SEMA7A: variants seen among roughly 807,000 people sequenced by gnomAD.
SEMA7A encodes semaphorin 7A (JohnMiltonHagen blood group).
SEMA7A carries 21 observed loss-of-function variants against 67.5 expected under a neutral mutation model. The observed-to-expected ratio is 0.31, with a 90% confidence interval of 0.22 to 0.45. The LOEUF is 0.45. Ranked by LOEUF, SEMA7A falls within the 20% of genes least tolerant of loss-of-function variation. The pLI is 1.00. For synonymous variants in SEMA7A, 364 were observed against 368.5 expected, an observed-to-expected ratio of 0.99 and a Z score of 0.14; for missense variants, 774 against 908.6, an observed-to-expected ratio of 0.85 and a Z score of 1.90.
rs77054739 is a variant in SEMA7A at position 74,414,019 on chromosome 15, A to G, written c.1294+528T>C. Among the ~76,000 whole-genome samples, 1,789 of 152,272 alleles carry G rather than the reference A, an allele frequency of 0.012. 34 individuals carry two copies. Among genetic ancestry groups the G allele is most frequent in the African/African-American group, 0.041 (1,699 of 41,530 alleles). ...CCAGCAGGGCCTACTCCAGGGAAGA[A>G]GAGAAGCTGCCCCTGTCCTCTGTGA... On this transcript the variant is annotated intron_variant, in intron 10 of 13. Coordinates refer to ENST00000261918, the MANE Select transcript of SEMA7A (RefSeq NM_003612.5). The surrounding 1 kb of genome is among the most constrained non-coding windows in gnomAD (Gnocchi z 4.1).
intron 1 of SEMA7A, among the ~76,000 whole-genome samples, chr15:74,428,403 C>T (rs1028999905): frequency 2.0e-5 from 3 of 152,324 alleles, no homozygotes; most frequent in East Asian, 1.9e-4. Flanking sequence ...TGGGTGATCT[C>T]GGGCCAGTCC....
chr15:74,431,347 C>T (rs2061087033), intron 1 of SEMA7A, among the ~76,000 whole-genome samples: 1 of 152,248 alleles, frequency 6.6e-6, no homozygotes, highest in Non-Finnish European at 1.5e-5. Flanking sequence ...GCCAGACTTT[C>T]ATCAAGCTGC....
rs1596184174 is a variant in SEMA7A, at chr15:74,410,094, T to A, written c.*530A>T. 2.6e-5 allele frequency: 4 copies of A among 154,404 alleles called. No individual in the cohort carries two copies. In the South Asian group the frequency reaches 8.3e-4, roughly 32 times the overall value. The allele number at this position is 154,404 out of a possible 1,614,324, so 9.6% of individuals were successfully genotyped here. On this transcript the variant is annotated 3_prime_UTR_variant, in exon 14 of 14. Coordinates refer to ENST00000261918, the MANE Select transcript of SEMA7A (RefSeq NM_003612.5). The surrounding 1 kb of genome is among the most constrained non-coding windows in gnomAD (Gnocchi z 7.5). ...ATAAACATGCAAGGCGGCTGTCCTG[T>A]GGGACCCAGGACCAGAGAGGGAGCT...
intron 1 of SEMA7A, among the ~76,000 whole-genome samples, chr15:74,424,269 G>C (rs1374493715): frequency 6.6e-6 from 1 of 152,148 alleles, no homozygotes; most frequent in Non-Finnish European, 1.5e-5. Flanking sequence ...GTGCGAGTCA[G>C]GGTGGGTGCT....
At position 74,416,811 on chromosome 15, in the gene SEMA7A, A is replaced by G. The variant is rs528568691; in HGVS notation, c.662-97T>C. 2.2e-6 allele frequency: 3 copies of G among 1,345,124 alleles called. No homozygotes were observed. The African/African-American group carries it at 4.3e-5, about 19-fold the overall frequency. The allele number at this position is 1,345,124 out of a possible 1,614,324, so 83.3% of individuals were successfully genotyped here. A position where few individuals can be genotyped will look rare whatever the true frequency, so the allele number is the denominator to read the frequency against. On this transcript the variant is annotated intron_variant, in intron 6 of 13. Transcript: ENST00000261918. The stretch of plus-strand genomic sequence containing the variant: ...TCTCCTCCCTCCTTCGGGTCTGCAC[A>G]AACCATGGCAAATCAGATCTGGAAT...
intron 6 of SEMA7A, among the ~76,000 whole-genome samples, chr15:74,416,967 G>A (rs2060955020): frequency 1.3e-5 from 2 of 152,210 alleles, no homozygotes; most frequent in African/African-American, 2.4e-5. Context: ...TGGGGACTGG[G>A]GGAAGGTCCC....
chr15:74,418,200 A>G (rs2060969070), intron 3 of SEMA7A, 68 bp downstream of exon 3: 1 of 1,499,986 alleles, frequency 6.7e-7, no homozygotes, highest in Non-Finnish European at 9.3e-7. Flanking sequence ...TTCCTTCCTT[A>G]GACCCTCAGG....
chr15:74,415,194 A>G (rs1305149514), intron 8 of SEMA7A, among the ~76,000 whole-genome samples: 1 of 152,170 alleles, frequency 6.6e-6, no homozygotes, highest in East Asian at 1.9e-4. Context: ...CCAAGGCAGG[A>G]GGAACCCCAT....
intron 10 of SEMA7A, among the ~76,000 whole-genome samples, chr15:74,413,607 G>A (rs2060920441): frequency 6.6e-6 from 1 of 152,206 alleles, no homozygotes; most frequent in South Asian, 2.1e-4. Context: ...AAGCAAGGAT[G>A]GGGGCCCAAG....
chr15:74,416,229 T>G (rs2060946986), intron 7 of SEMA7A, among the ~76,000 whole-genome samples: 1 of 151,292 alleles, frequency 6.6e-6, no homozygotes, highest in African/African-American at 2.4e-5. Flanking sequence ...CAGGTGAGAG[T>G]GCCAGGTCCC....
In SEMA7A at chr15:74,417,899, C is replaced by T. The variant is rs774736648; in HGVS notation, c.443G>A (p.Arg148Gln). ...EGLLACGTNA[R>Q]HPSCWNLVNG... ...CACCAGGTTCCAGCAGCTGGGGTGC[C>T]GGGCGTTGGTGCCACAGGCCAGCAG... The change falls in exon 4 of 14, where the codon CGG becomes CAG. Residue 148 changes from arginine to glutamine, a missense_variant. Coordinates refer to ENST00000261918, the MANE Select transcript of SEMA7A (RefSeq NM_003612.5). 9.3e-6 allele frequency: 15 copies of T among 1,613,250 alleles called. No individual in the cohort carries two copies. The highest frequency in any genetic ancestry group is 2.2e-5 in the South Asian group (2 of 91,082).
intron 1 of SEMA7A, among the ~76,000 whole-genome samples, chr15:74,430,697 C>G (rs976551219): frequency 3.3e-5 from 5 of 152,202 alleles, no homozygotes; most frequent in Admixed American, 6.5e-5. Context: ...GGGGAATTGC[C>G]CCCCCACCAT....
At chr15:74,419,706 C>A (rs2060983629) in intron 1 of SEMA7A, among the ~76,000 whole-genome samples, 1 of 152,226 alleles carries the variant, frequency 6.6e-6, no homozygotes, top group Non-Finnish European at 1.5e-5. Flanking sequence ...CCATGGCCCA[C>A]TCTGGCCTGG....
At chr15:74,433,629 G>T (rs1479063534) in intron 1 of SEMA7A, 112 bp downstream of exon 1, 1 of 1,293,594 alleles carries the variant, frequency 7.7e-7, no homozygotes, top group Non-Finnish European at 9.8e-7. Context: ...CGCGGGGACA[G>T]CCCGGGACCC....
intron 1 of SEMA7A, among the ~76,000 whole-genome samples, chr15:74,420,830 C>T (rs755914355): frequency 3.3e-5 from 5 of 152,230 alleles, no homozygotes; most frequent in African/African-American, 7.2e-5. Context: ...TCCCATCCAC[C>T]GATAGCCAGA....
chr15:74,420,443 G>A lies in SEMA7A; in HGVS notation c.179-1491C>T, dbSNP rs561341694. Among the ~76,000 whole-genome samples, 11 of 152,332 alleles carry A rather than the reference G, an allele frequency of 7.2e-5. No individual in the cohort carries two copies. In the South Asian group the frequency reaches 2.1e-3, roughly 29 times the overall value. On this transcript the variant is annotated intron_variant, in intron 1 of 13. Coordinates refer to ENST00000261918, the MANE Select transcript of SEMA7A (RefSeq NM_003612.5). ...TCAGCAGCATGGCAGGCTACAGAGA[G>A]AAGTGCTGAGCTCACTGTCCTTGGG...
Position 74,411,151 on chromosome 15 carries a change from A to T in SEMA7A, c.1639+144T>A. 7.5e-7 allele frequency: 1 copy of T among 1,326,246 alleles called. No homozygotes were observed. Among genetic ancestry groups the T allele is most frequent in the Non-Finnish European group, 1.0e-6 (1 of 976,096 alleles). The allele number at this position is 1,326,246 out of a possible 1,614,324, so 82.2% of individuals were successfully genotyped here. On this transcript the variant is annotated intron_variant, in intron 13 of 13. Transcript: ENST00000261918. The surrounding 1 kb of genome is among the most constrained non-coding windows in gnomAD (Gnocchi z 4.4). ...CTCCCGTCTCGCTCATCCCACCAAG[A>T]GGGCTCCCTCTGCAGGACTGTATCC...
chr15:74,411,384 A>C lies in SEMA7A; in HGVS notation c.1578-28T>G, dbSNP rs773007091. On this transcript the variant is annotated intron_variant, in intron 12 of 13. Transcript: ENST00000261918. The surrounding 1 kb of genome is among the most constrained non-coding windows in gnomAD (Gnocchi z 4.4). ...GGAGTGGGAAGGACGAAAGAGGATCAGCAGATACAAGGCTGCAGACCTGAC... is the reference window on the plus strand; with the variant it reads ...GGAGTGGGAAGGACGAAAGAGGATCCGCAGATACAAGGCTGCAGACCTGAC... 7 of 1,611,486 alleles carry C rather than the reference A, an allele frequency of 4.3e-6. No individual in the cohort carries two copies. In the Admixed American group the frequency reaches 5.0e-5, roughly 12 times the overall value.
chr15:74,421,814 T>C (rs1321758614), intron 1 of SEMA7A, among the ~76,000 whole-genome samples: 1 of 151,902 alleles, frequency 6.6e-6, no homozygotes, highest in Non-Finnish European at 1.5e-5. Context: ...CACCAAGCCA[T>C]CAGGGCCAGG....
Sources: allele counts gnomAD v4.1 joint callset (sites outside exome capture counted in the v4.1 genomes callset), GRCh38; gene constraint gnomAD v4.1.1; non-coding constraint Gnocchi (gnomAD v3.1); transcripts MANE v1.5; gene names NCBI Gene and HGNC (gene_info 2026-07-23, HGNC 2026-07-21).